GPC3: variants seen among roughly 807,000 people sequenced by gnomAD.
The protein encoded by GPC3 is glypican-3.
In GPC3, 3 loss-of-function variants were observed where a neutral mutation model predicts 34.4. The observed-to-expected ratio is 0.09, with a 90% CI of 0.04 to 0.23. The LOEUF is 0.23. Among genes scored for constraint, GPC3 ranks in the 10% least tolerant of loss-of-function variants. The pLI is 1.00. For synonymous variants in GPC3, 177 were observed against 174.0 expected, an observed-to-expected ratio of 1.02 and a Z score of -0.13; for missense variants, 351 against 445.6, an observed-to-expected ratio of 0.79 and a Z score of 1.91.
At chrX:133,768,741 C>T (rs976114544) in intron 2 of GPC3, among the ~76,000 whole-genome samples, 1 of 111,012 alleles carries the variant, frequency 9.0e-6, no homozygotes, top group Non-Finnish European at 1.9e-5. Flanking sequence ...GAGTTCGAGA[C>T]CAGCCTGACC....
intron 2 of GPC3, among the ~76,000 whole-genome samples, chrX:133,793,175 G>T (rs2072184991): frequency 9.0e-6 from 1 of 111,556 alleles, no homozygotes; most frequent in African/African-American, 3.3e-5. Flanking sequence ...TGGTGGAAAT[G>T]CATTTTAATT....
At chrX:133,618,044 C>T (rs1313429820) in intron 6 of GPC3, among the ~76,000 whole-genome samples, 1 of 111,760 alleles carries the variant, frequency 8.9e-6, no homozygotes, top group Non-Finnish European at 1.9e-5. Flanking sequence ...TTCAGTAGTG[C>T]CACATAATTT....
chrX:133,740,805 T>A (rs1331271483), intron 3 of GPC3, among the ~76,000 whole-genome samples: 2 of 111,761 alleles, frequency 1.8e-5, no homozygotes, highest in East Asian at 2.8e-4. Flanking sequence ...AAATACTTTT[T>A]AAAATACTTT....
rs764743087 is a variant in GPC3, at chrX:133,692,437, G to A, written c.1224C>T (p.Tyr408=). Residue 408 remains tyrosine (Y), a synonymous_variant, in exon 5 of 8, where the codon TAC becomes TAT. Coordinates refer to ENST00000370818, the MANE Select transcript of GPC3 (RefSeq NM_004484.4). Reference sequence around the variant, plus strand: ...CCGCCACAGGGCTATGGCTGCAGATGTAGCCAGGCAAAGCACTATAGAAGC... The same window carrying A: ...CCGCCACAGGGCTATGGCTGCAGATATAGCCAGGCAAAGCACTATAGAAGC... ...FISFYSALPG[Y]ICSHSPVAEN... 5.0e-6 allele frequency: 6 copies of A among 1,206,220 alleles called. No individual in the cohort carries two copies. In the East Asian group the frequency reaches 1.8e-4, roughly 36 times the overall value.
At chrX:133,933,174 G>A (rs1603274896) in intron 2 of GPC3, among the ~76,000 whole-genome samples, 1 of 110,792 alleles carries the variant, frequency 9.0e-6, no homozygotes, top group African/African-American at 3.3e-5. Flanking sequence ...TGAGTAAGGG[G>A]GCAGAGATAC....
chrX:133,879,862 T>G (rs752954100), intron 2 of GPC3, among the ~76,000 whole-genome samples: 1 of 111,813 alleles, frequency 8.9e-6, no homozygotes, highest in Non-Finnish European at 1.9e-5. Context: ...TTGAATCAGC[T>G]ATTGCTACCT....
chrX:133,756,181 T>C (rs768903995), intron 2 of GPC3, among the ~76,000 whole-genome samples: 3 of 112,358 alleles, frequency 2.7e-5, no homozygotes, highest in Non-Finnish European at 5.6e-5. Flanking sequence ...TGAGGCTCAG[T>C]AGAGTTAAAG....
chrX:133,592,164 G>A (rs2069856031), intron 7 of GPC3, among the ~76,000 whole-genome samples: 1 of 110,060 alleles, frequency 9.1e-6, no homozygotes, highest in Admixed American at 9.6e-5. Context: ...TAGGGTACAT[G>A]TGCACAACGT....
chrX:133,889,735 A>G (rs955906628), intron 2 of GPC3, among the ~76,000 whole-genome samples: 1 of 109,789 alleles, frequency 9.1e-6, no homozygotes, highest in Non-Finnish European at 1.9e-5. Context: ...TAGAAAACAC[A>G]GATAAAAAAG....
chrX:133,841,068 T>G (rs2075821672), intron 2 of GPC3, among the ~76,000 whole-genome samples: 1 of 104,435 alleles, frequency 9.6e-6, no homozygotes, highest in Non-Finnish European at 1.9e-5. Context: ...TTATTTTTTC[T>G]TTTTTGAGAA....
intron 6 of GPC3, among the ~76,000 whole-genome samples, chrX:133,630,379 C>T (rs1330748475): frequency 8.9e-6 from 1 of 111,734 alleles, no homozygotes; most frequent in African/African-American, 3.3e-5. Flanking sequence ...ACATTTAAAT[C>T]TACTAGCAAA....
intron 5 of GPC3, among the ~76,000 whole-genome samples, chrX:133,665,603 G>T (rs1312075559): frequency 8.9e-6 from 1 of 112,193 alleles, no homozygotes; most frequent in African/African-American, 3.2e-5. Flanking sequence ...CTTCTAAAAT[G>T]ATAGCTTAAC....
chrX:133,973,974 T>C (rs189018393), intron 1 of GPC3, among the ~76,000 whole-genome samples: 21 of 112,416 alleles, frequency 1.9e-4, no homozygotes, highest in African/African-American at 6.8e-4. Flanking sequence ...ACAAGACAAA[T>C]GTAATGTGTG....
chrX:133,658,553 C>T (rs1283884797), intron 6 of GPC3, among the ~76,000 whole-genome samples: 1 of 111,272 alleles, frequency 9.0e-6, no homozygotes, highest in African/African-American at 3.3e-5. Context: ...GTCTCACTTT[C>T]AGATCGAATC....
intron 2 of GPC3, among the ~76,000 whole-genome samples, chrX:133,887,753 A>G (rs1367149409): frequency 1.8e-5 from 2 of 111,417 alleles, no homozygotes; most frequent in African/African-American, 6.5e-5. Context: ...TTTTCTCCCA[A>G]TCTGTAGGTT....
chrX:133,569,625 G>T (rs951291825), intron 7 of GPC3, among the ~76,000 whole-genome samples: 6 of 111,957 alleles, frequency 5.4e-5, no homozygotes, highest in African/African-American at 1.9e-4. Flanking sequence ...ATATTTTTCT[G>T]AGCAAAACTA....
intron 5 of GPC3, among the ~76,000 whole-genome samples, chrX:133,671,953 T>C (rs1005445303): frequency 8.9e-6 from 1 of 111,931 alleles, no homozygotes; most frequent in South Asian, 3.7e-4. Context: ...AGCCATTAGC[T>C]ATATGAGGGA....
intron 7 of GPC3, among the ~76,000 whole-genome samples, chrX:133,592,637 C>A (rs1056503607): frequency 9.0e-6 from 1 of 111,114 alleles, no homozygotes; most frequent in African/African-American, 3.3e-5. Flanking sequence ...CATGAAAGCA[C>A]TGGCAGAATT....
At chrX:133,901,655 G>A (rs1230263762) in intron 2 of GPC3, among the ~76,000 whole-genome samples, 8 of 110,713 alleles carry the variant, frequency 7.2e-5, no homozygotes, top group African/African-American at 2.6e-4. Context: ...TGGCCAGGAT[G>A]GTCTCAATCT....
Sources: allele counts gnomAD v4.1 joint callset (sites outside exome capture counted in the v4.1 genomes callset), GRCh38; gene constraint gnomAD v4.1.1; transcripts MANE v1.5; gene names NCBI Gene and HGNC (gene_info 2026-07-23, HGNC 2026-07-21).